The following AP2A2 variants were observed in gnomAD, a reference collection of about 807,000 sequenced individuals.
AP2A2 encodes the protein adaptor related protein complex 2 subunit alpha 2, also known as AP-2 complex subunit alpha-2.
Under a neutral mutation model 104.2 loss-of-function variants are expected in AP2A2, and 32 were observed. The ratio of observed to expected loss-of-function variants is 0.31; its 90% CI spans 0.23 to 0.41. The LOEUF is 0.41. Among genes scored for constraint, AP2A2 ranks in the 10% least tolerant of loss-of-function variants. The probability of loss-of-function intolerance (pLI) is 1.00; values close to 1 mark genes in which losing one functional copy is unlikely to be tolerated. For missense variants in AP2A2, 912 were observed against 1,261.0 expected (o/e 0.72, Z 4.19); for synonymous variants, 539 against 533.3 (o/e 1.01, Z -0.15).
intron 16 of AP2A2, among the ~76,000 whole-genome samples, chr11:1,004,193 G>A (rs1445754991): frequency 1.3e-5 from 2 of 152,210 alleles, no homozygotes; most frequent in Non-Finnish European, 2.9e-5. Context: ...CAAACAAGCA[G>A]CCTGTGCAGT....
Position 1,010,577 on chromosome 11 carries a change from G to T in AP2A2, c.2772G>T (p.Lys924Asn). The change falls in exon 22 of 22, where the codon AAG (lysine) becomes AAT (asparagine). Residue 924 changes from lysine (K) to asparagine (N), a missense_variant. This residue lies in a region of AP2A2 where 239 missense variants were observed against 329.8 expected (regional missense o/e 0.72). Coordinates refer to ENST00000448903, the MANE Select transcript of AP2A2 (RefSeq NM_012305.4). ...ACCGGCTCACGCTGCGCACAAGTAA[G>T]GAAGCCGTTTCTCAGAGATTATGTG... ...QMYRLTLRTS[K>N]EAVSQRLCEL... The T allele has an allele frequency of 6.3e-7, 1 of 1,599,084 alleles. No individual in the cohort carries two copies. Among genetic ancestry groups the T allele is most frequent in the Admixed American group, 1.7e-5 (1 of 58,150 alleles).
At chr11:1,001,783 C>T (rs1856037901) in intron 15 of AP2A2, among the ~76,000 whole-genome samples, 1 of 152,206 alleles carries the variant, frequency 6.6e-6, no homozygotes. Flanking sequence ...TGGGCGCTGC[C>T]TGCCCTGTCT....
intron 16 of AP2A2, among the ~76,000 whole-genome samples, chr11:1,004,745 C>T (rs1856147289): frequency 6.6e-6 from 1 of 152,210 alleles, no homozygotes; most frequent in Non-Finnish European, 1.5e-5. Flanking sequence ...CACTGCACTG[C>T]AGCCTGGGCA....
chr11:992,360 G>A lies in AP2A2; in HGVS notation c.1270-143G>A. On this transcript the variant is annotated intron_variant, in intron 10 of 21. Coordinates refer to ENST00000448903, the MANE Select transcript of AP2A2 (RefSeq NM_012305.4). The surrounding 1 kb of genome is among the most constrained non-coding windows in gnomAD (Gnocchi z 6.4). Reference sequence around the variant, plus strand: ...GGGCTCGTGGGCTTTTTTGAGAATCGAGTTCAAGCTTCCTCCATGTCCCAA... The same window carrying A: ...GGGCTCGTGGGCTTTTTTGAGAATCAAGTTCAAGCTTCCTCCATGTCCCAA... 4 of 805,356 alleles carry A rather than the reference G, an allele frequency of 5.0e-6. No individual in the cohort carries two copies. The highest frequency in any genetic ancestry group is 6.0e-6 in the Non-Finnish European group (3 of 500,772). The allele number at this position is 805,356 out of a possible 1,614,324, so 49.9% of individuals were successfully genotyped here.
At chr11:930,164 G>T (rs1204619111) in intron 1 of AP2A2, among the ~76,000 whole-genome samples, 2 of 150,824 alleles carry the variant, frequency 1.3e-5, no homozygotes, top group Non-Finnish European at 2.9e-5. Context: ...AAGTATCTGA[G>T]GTAGCGGACA....
At chr11:998,130 G>A (rs1371278155) in intron 14 of AP2A2, among the ~76,000 whole-genome samples, 3 of 152,218 alleles carry the variant, frequency 2.0e-5, no homozygotes, top group Admixed American at 6.5e-5. Flanking sequence ...GCAAAGCGCC[G>A]CCTTCAGATG....
chr11:947,499 G>A (rs1383423717), intron 1 of AP2A2, among the ~76,000 whole-genome samples: 1 of 152,178 alleles, frequency 6.6e-6, no homozygotes, highest in African/African-American at 2.4e-5. Context: ...ATTGTTTTAA[G>A]TTAAGGTGCT....
At chr11:1,005,728 C>T (rs1455143274) in intron 16 of AP2A2, among the ~76,000 whole-genome samples, 1 of 152,170 alleles carries the variant, frequency 6.6e-6, no homozygotes, top group African/African-American at 2.4e-5. Context: ...TGAGGGTTGT[C>T]AGAGTGATTC....
chr11:1,004,757 CAG>C (rs1326413718), intron 16 of AP2A2, among the ~76,000 whole-genome samples: 1 of 152,186 alleles, frequency 6.6e-6, no homozygotes, highest in Admixed American at 6.5e-5. Flanking sequence ...GCCTGGGCAA[CAG>C]AGCGAGACCC....
At chr11:962,190 T>C (rs7394449) in intron 2 of AP2A2, among the ~76,000 whole-genome samples, 88,701 of 152,172 alleles carry the variant, frequency 0.58, 26,644 homozygotes, top group Middle Eastern at 0.73. Flanking sequence ...TTACTCTTGG[T>C]GTCACTGGGC....
chr11:952,572 T>C (rs1854088991), intron 1 of AP2A2, among the ~76,000 whole-genome samples: 1 of 152,222 alleles, frequency 6.6e-6, no homozygotes, highest in South Asian at 2.1e-4. Context: ...CTGATGCAAG[T>C]ACAGTACCCT....
rs756014639 is a variant in AP2A2 at position 986,930 on chromosome 11, G to C, written c.1108G>C (p.Glu370Gln). 3.8e-6 allele frequency: 6 copies of C among 1,594,076 alleles called. No homozygotes were observed. The highest frequency in any genetic ancestry group is 4.3e-6 in the Non-Finnish European group (5 of 1,170,972). Reference sequence around the variant, plus strand: ...CCATGAGGCTGTCAAGACGCACATCGAGACGGTCATCAACGCCCTGAAGGC... The same window carrying C: ...CCATGAGGCTGTCAAGACGCACATCCAGACGGTCATCAACGCCCTGAAGGC... ...FSHEAVKTHI[E>Q]TVINALKTER... Residue 370 changes from glutamate to glutamine, a missense_variant, in exon 9 of 22, where the codon GAG becomes CAG. Glu to Gln is a conservative substitution (Grantham distance 29). This residue lies in a region of AP2A2 where 350 missense variants were observed against 487.0 expected (regional missense o/e 0.72). Coordinates refer to ENST00000448903, the MANE Select transcript of AP2A2 (RefSeq NM_012305.4).
chr11:973,443 CAGAG>C (rs965046777), intron 4 of AP2A2, among the ~76,000 whole-genome samples: 1 of 152,132 alleles, frequency 6.6e-6, no homozygotes, highest in Non-Finnish European at 1.5e-5. Context: ...GCCCGGCTGG[CAGAG>C]AGACCGCAGC....
At chr11:1,005,949 GATATAA>G (rs1856187889) in intron 16 of AP2A2, among the ~76,000 whole-genome samples, 1 of 152,350 alleles carries the variant, frequency 6.6e-6, no homozygotes, top group South Asian at 2.1e-4. Flanking sequence ...TTTTTACTGT[GATATAA>G]ATAAAAACAG....
At chr11:981,020 G>C (rs1260190467) in intron 5 of AP2A2, among the ~76,000 whole-genome samples, 178 bp from the exon 6 acceptor site, 1 of 152,258 alleles carries the variant, frequency 6.6e-6, no homozygotes, top group Non-Finnish European at 1.5e-5. Flanking sequence ...GCTGGAAAAA[G>C]AAAATCTGCA....
Position 1,008,140 on chromosome 11 carries a change from G to C in AP2A2, c.2420+5G>C, listed in dbSNP as rs1461118412. ...AGTCCTCAACATTCAGTTCAGGTAA[G>C]AGCCGCCTGTGCGCCCCGGGCCAAG... On this transcript the variant is annotated splice_donor_5th_base_variant and intron_variant, in intron 18 of 21. Transcript: ENST00000448903. 1 of 1,599,040 alleles carries C rather than the reference G, an allele frequency of 6.3e-7. No homozygotes were observed. Among genetic ancestry groups the C allele is most frequent in the East Asian group, 2.3e-5 (1 of 44,432 alleles).
chr11:973,830 G>A (rs1042500427), intron 4 of AP2A2, among the ~76,000 whole-genome samples: 6 of 152,192 alleles, frequency 3.9e-5, no homozygotes, highest in African/African-American at 1.4e-4. Context: ...CCCTTGGGGT[G>A]GAAGCTTCCT....
intron 14 of AP2A2, among the ~76,000 whole-genome samples, chr11:995,672 C>A (rs1241008202): frequency 2.7e-5 from 4 of 150,186 alleles, no homozygotes; most frequent in African/African-American, 9.8e-5. Context: ...GCCGACAGTG[C>A]AGGGCCTGCC....
intron 3 of AP2A2, among the ~76,000 whole-genome samples, chr11:971,403 C>T (rs1161364452): frequency 3.3e-5 from 5 of 152,094 alleles, no homozygotes; most frequent in African/African-American, 7.2e-5. Context: ...TTTGGCAGGG[C>T]GGGAGCTCCC....
Sources: gnomAD v4.1 joint callset for allele counts (sites outside exome capture counted in the v4.1 genomes callset) on GRCh38, gnomAD v4.1.1 for gene constraint, gnomAD v4.1.1 regional missense constraint, Gnocchi (gnomAD v3.1) non-coding constraint, MANE v1.5 for transcripts, NCBI Gene and HGNC (gene_info 2026-07-23, HGNC 2026-07-21) for gene names.